WDR90: variants seen among roughly 807,000 people sequenced by gnomAD.
WDR90 encodes WD repeat domain 90, also known as WD repeat-containing protein 90.
In WDR90, 238 loss-of-function variants were observed where a neutral mutation model predicts 195.2. That is an observed-to-expected ratio of 1.22 (90% CI 1.10 to 1.36). The LOEUF (loss-of-function observed/expected upper bound fraction) is 1.36, where lower values mean the gene tolerates loss of function less well. Among genes scored for constraint, WDR90 ranks in the 40% most tolerant of loss-of-function variants. The probability of loss-of-function intolerance (pLI) is 0.00; values close to 1 mark genes in which losing one functional copy is unlikely to be tolerated. For missense variants in WDR90, 2,734 were observed against 2,439.5 expected, an observed-to-expected ratio of 1.12 and a Z score of -2.54; for synonymous variants, 1,265 against 1,052.4, an observed-to-expected ratio of 1.20 and a Z score of -3.91.
At chr16:653,232 C>A in intron 10 of WDR90, 109 bp from the exon 11 acceptor site, 1 of 908,264 alleles carries the variant, frequency 1.1e-6, no homozygotes, top group Non-Finnish European at 1.6e-6. Flanking sequence ...GTGTGCCAGG[C>A]CTGCCACCCC....
intron 34 of WDR90, among the ~76,000 whole-genome samples, chr16:664,480 G>A (rs1284796615): frequency 6.6e-6 from 1 of 152,168 alleles, no homozygotes; most frequent in African/African-American, 2.4e-5. Flanking sequence ...CTGAGACCGT[G>A]ACCTGAGCCC....
intron 9 of WDR90, 103 bp downstream of exon 9, chr16:652,142 C>A (rs1324129290): frequency 2.2e-6 from 3 of 1,338,102 alleles, no homozygotes; most frequent in Non-Finnish European, 3.1e-6. Context: ...CTCCAACGGT[C>A]TCCTCTTGTT....
At position 656,740 on chromosome 16, in the gene WDR90, CTT is replaced by C; in HGVS notation, c.2212_2213del (p.Phe738HisfsTer24). 1 of 1,613,022 alleles carries C rather than the reference CTT, an allele frequency of 6.2e-7. No individual in the cohort carries two copies. The highest frequency in any genetic ancestry group is 1.1e-5 in the South Asian group (1 of 91,064). On this transcript the variant is annotated frameshift_variant, in exon 19 of 41. Coordinates refer to ENST00000293879, the MANE Select transcript of WDR90 (RefSeq NM_145294.5). LOFTEE classifies it high-confidence loss of function. ...DLATLQQLYDFTSSEDAPCAV... is the reference protein window; with the variant it reads ...DLATLQQLYDXTSSEDAPCAV... ...CGGCCCCTGTCCCACAGCTATACGA[CTT>C]CACATCATCAGAGGACGCCCCGTGC...
chr16:659,483 C>T, intron 26 of WDR90, 107 bp downstream of exon 26: 4 of 1,397,946 alleles, frequency 2.9e-6, no homozygotes, highest in Non-Finnish European at 3.9e-6. Context: ...GTGCAGGTGC[C>T]ATCGCTGCTC....
At position 652,454 on chromosome 16, in the gene WDR90, A is replaced by C; in HGVS notation, c.1054-13A>C. On this transcript the variant is annotated splice_polypyrimidine_tract_variant and intron_variant, in intron 9 of 40. Coordinates refer to ENST00000293879, the MANE Select transcript of WDR90 (RefSeq NM_145294.5). Reference sequence around the variant, plus strand: ...TGAGCCTCCCAGGACTTTGATGCGAATGGCTGTTTCAGGGCTTCCTCCCAG... The same window carrying C: ...TGAGCCTCCCAGGACTTTGATGCGACTGGCTGTTTCAGGGCTTCCTCCCAG... The C allele has an allele frequency of 6.3e-7, 1 of 1,597,476 alleles. No homozygotes were observed. The highest frequency in any genetic ancestry group is 8.5e-7 in the Non-Finnish European group (1 of 1,170,702).
Position 662,067 on chromosome 16 carries a change from C to G in WDR90, c.4033+8C>G. 6.3e-7 allele frequency: 1 copy of G among 1,598,886 alleles called. No homozygotes were observed. Among genetic ancestry groups the G allele is most frequent in the East Asian group, 2.2e-5 (1 of 44,838 alleles). The stretch of plus-strand genomic sequence containing the variant: ...CGGATGACGGTGGCATTGGTGAGTG[C>G]CCCGCAGAAGCCCTGTGGCCCTCAG... On this transcript the variant is annotated splice_region_variant and intron_variant, in intron 32 of 40. Coordinates refer to ENST00000293879, the MANE Select transcript of WDR90 (RefSeq NM_145294.5).
In WDR90 at chr16:653,372, T is replaced by C; in HGVS notation, c.1154T>C (p.Val385Ala). Reference protein sequence around the residue: ...ALWTPDGAAVVYPCHAVIVVL... With the variant: ...ALWTPDGAAVAYPCHAVIVVL... ...TGGACCCCAGACGGGGCGGCTGTCG[T>C]GTACCCCTGCCATGCGGTCATCGTC... Residue 385 changes from valine to alanine, a missense_variant, in exon 11 of 41, where the codon GTG becomes GCG. Transcript: ENST00000293879. 1.3e-6 allele frequency: 2 copies of C among 1,595,088 alleles called. No homozygotes were observed. Among genetic ancestry groups the C allele is most frequent in the Non-Finnish European group, 1.7e-6 (2 of 1,172,260 alleles).
chr16:655,032 G>C lies in WDR90; in HGVS notation c.1441G>C (p.Val481Leu), dbSNP rs776138036. ...GCTCAGCCTGGGCTTGTTGCAGATG[G>C]TGGTGGCCTGGGGCACCGGCCAGGT... is the stretch of plus-strand genomic sequence containing the variant. Reference protein sequence around the residue: ...VGKDHHGRTMVVAWGTGQVGL... With the variant: ...VGKDHHGRTMLVAWGTGQVGL... The change falls in exon 14 of 41, where the codon GTG (valine) becomes CTG (leucine). Residue 481 changes from valine (V) to leucine (L), a missense_variant. Coordinates refer to ENST00000293879, the MANE Select transcript of WDR90 (RefSeq NM_145294.5). 5.6e-6 allele frequency: 9 copies of C among 1,612,344 alleles called. No homozygotes were observed. The highest frequency in any genetic ancestry group is 1.7e-5 in the Admixed American group (1 of 59,998).
intron 34 of WDR90, chr16:663,076 C>G (rs1362406660): frequency 2.8e-5 from 19 of 689,120 alleles, no homozygotes; most frequent in Non-Finnish European, 4.4e-5. Flanking sequence ...TCTTCTCAAA[C>G]TGTCCTTTCC....
At chr16:657,987 C>T (rs1305086123) in intron 21 of WDR90, 95 bp downstream of exon 21, 4 of 1,462,414 alleles carry the variant, frequency 2.7e-6, no homozygotes, top group Admixed American at 2.6e-5. Flanking sequence ...GGAGCAGGAC[C>T]CAGGCCCTGT....
At chr16:654,807 T>C in intron 13 of WDR90, 1 of 568,742 alleles carries the variant, frequency 1.8e-6, no homozygotes, top group East Asian at 2.9e-5. Flanking sequence ...TCTCTGCGAA[T>C]GGGTTGCAGT....
rs749507813 is a variant in WDR90 at position 655,885 on chromosome 16, G to C, written c.1962G>C (p.Glu654Asp). 13 of 1,592,704 alleles carry C rather than the reference G, an allele frequency of 8.2e-6. No individual in the cohort carries two copies. The Admixed American group carries it at 2.3e-4, about 28-fold the overall frequency. ...TGGACTTCTCCTCGGTGCTCCTGGA[G>C]GCAGGTGATGCTGTGGGCACGCTCT... ...WPLDFSSVLL[E>D]AEHEGPVSSV... The change falls in exon 17 of 41, where the codon GAG becomes GAC. Residue 654 changes from glutamate to aspartate, a missense_variant. By Grantham distance (45) the Glu-to-Asp change is conservative. Coordinates refer to ENST00000293879, the MANE Select transcript of WDR90 (RefSeq NM_145294.5).
chr16:653,067 C>T (rs1324785820), intron 10 of WDR90, among the ~76,000 whole-genome samples: 8 of 152,178 alleles, frequency 5.3e-5, no homozygotes, highest in East Asian at 1.9e-4. Context: ...GCACTGGAGG[C>T]GGGGCTTAGA....
At chr16:650,846 G>C in intron 5 of WDR90, 137 bp downstream of exon 5, 3 of 1,479,434 alleles carry the variant, frequency 2.0e-6, no homozygotes, top group Non-Finnish European at 2.8e-6. Context: ...ACCCATCCCA[G>C]AGGCAGCCCT....
At chr16:667,324 C>A in intron 40 of WDR90, 108 bp from the exon 41 acceptor site, 1 of 1,431,202 alleles carries the variant, frequency 7.0e-7, no homozygotes, top group Non-Finnish European at 9.3e-7. Flanking sequence ...TTAGCACCAG[C>A]TCCCCCGACC....
chr16:649,359 G>A (rs1227662484), upstream of WDR90: 2 of 1,326,300 alleles, frequency 1.5e-6, no homozygotes, highest in African/African-American at 1.5e-5. Context: ...TGGCGTCGCG[G>A]GGCGTACTCT....
rs747222466 is a variant in WDR90 at position 658,339 on chromosome 16, C to T, written c.2761C>T (p.Arg921Trp). The change falls in exon 22 of 41, where the codon CGG (arginine) becomes TGG (tryptophan). Residue 921 changes from arginine (R) to tryptophan (W), a missense_variant. By Grantham distance (101) the Arg-to-Trp change is moderately radical. Transcript: ENST00000293879. Reference protein sequence around the residue: ...VLDAVSGRIIRELPGVHPEPC... With the variant: ...VLDAVSGRIIWELPGVHPEPC... ...GGATGCTGTGTCGGGCCGCATCATC[C>T]GGGAGGTGAGCCTCAGGGCTGTGGC... 15 of 1,612,026 alleles carry T rather than the reference C, an allele frequency of 9.3e-6. No homozygotes were observed. The highest frequency in any genetic ancestry group is 2.2e-5 in the East Asian group (1 of 44,890).
intron 20 of WDR90, 89 bp downstream of exon 20, chr16:657,310 G>T: frequency 6.9e-7 from 1 of 1,442,920 alleles, no homozygotes; most frequent in Non-Finnish European, 9.1e-7. Context: ...ACACATGCCG[G>T]TTTCCTGGTG....
In WDR90 at chr16:651,765, C is replaced by A. The variant is rs1196605445; in HGVS notation, c.840+18C>A. On this transcript the variant is annotated intron_variant, in intron 8 of 40. Coordinates refer to ENST00000293879, the MANE Select transcript of WDR90 (RefSeq NM_145294.5). ...CCACAGCCGTGAGTACCCCCTTCGC[C>A]CTATGAGATGGGGTTGGGGTGTGAT... is the stretch of plus-strand genomic sequence containing the variant. The A allele has an allele frequency of 6.2e-7, 1 of 1,612,906 alleles. No individual in the cohort carries two copies. The highest frequency in any genetic ancestry group is 8.5e-7 in the Non-Finnish European group (1 of 1,179,938).
Sources: allele counts gnomAD v4.1 joint callset (sites outside exome capture counted in the v4.1 genomes callset), GRCh38; gene constraint gnomAD v4.1.1; transcripts MANE v1.5; gene names NCBI Gene and HGNC (gene_info 2026-07-23, HGNC 2026-07-21).